ROCK2: variants seen among roughly 807,000 people sequenced by gnomAD.
ROCK2 encodes the protein rho-associated protein kinase 2.
A neutral mutation model predicts 195.1 loss-of-function variants in ROCK2; 61 were observed. The ratio of observed to expected loss-of-function variants is 0.31; its 90% CI spans 0.25 to 0.39. ROCK2 has a LOEUF of 0.39. ROCK2 is among the 10% of genes least tolerant of loss of function. The pLI, the probability that ROCK2 is intolerant of heterozygous loss-of-function variation, is 1.00. For missense variants in ROCK2, 1,109 were observed against 1,637.4 expected (o/e 0.68, Z 5.57); for synonymous variants, 504 against 545.5 (o/e 0.92, Z 1.06).
chr2:11,301,069 C>T (rs2148216259), intron 1 of ROCK2, among the ~76,000 whole-genome samples: 1 of 152,000 alleles, frequency 6.6e-6, no homozygotes, highest in Admixed American at 6.5e-5. Flanking sequence ...CAACATTAAA[C>T]AAAAATTGTA....
At chr2:11,241,771 T>TCATA (rs1163429072) in intron 4 of ROCK2, among the ~76,000 whole-genome samples, 3 of 152,214 alleles carry the variant, frequency 2.0e-5, no homozygotes, top group Non-Finnish European at 4.4e-5. Flanking sequence ...TCTGGGCTGA[T>TCATA]CATAGGTGCT....
chr2:11,278,694 C>T (rs1288121668), intron 3 of ROCK2, among the ~76,000 whole-genome samples: 2 of 152,148 alleles, frequency 1.3e-5, no homozygotes, highest in South Asian at 4.1e-4. Context: ...CTCACTGCAA[C>T]CTCTGCCTCC....
At chr2:11,333,854 G>GAAAA (rs1461932163) in intron 1 of ROCK2, among the ~76,000 whole-genome samples, 1 of 152,028 alleles carries the variant, frequency 6.6e-6, no homozygotes, top group Non-Finnish European at 1.5e-5. Context: ...TGTTTAACCA[G>GAAAA]AAAAAAGTTA....
At chr2:11,338,463 AAAAC>A (rs1209551210) in intron 1 of ROCK2, among the ~76,000 whole-genome samples, 1 of 152,252 alleles carries the variant, frequency 6.6e-6, no homozygotes, top group African/African-American at 2.4e-5. Context: ...AATACAAACT[AAAAC>A]AATACAGTAT....
chr2:11,316,728 T>G (rs1668204301), intron 1 of ROCK2, among the ~76,000 whole-genome samples: 1 of 152,138 alleles, frequency 6.6e-6, no homozygotes, highest in Admixed American at 6.5e-5. Context: ...GACCATGTAT[T>G]TTAAGTAATT....
In ROCK2 at chr2:11,296,000, A is replaced by AGGG. The variant is rs1558369760; in HGVS notation, c.142-8265_142-8264insCCC. On this transcript the variant is annotated intron_variant, in intron 1 of 32. Transcript: ENST00000315872. ...AGAGAGAGAGAGAGAGGAGAGAGAG[A>AGGG]GAGAGGAGAGAGAGAGAGAGAGAGA... Among the ~76,000 whole-genome samples, 32 of 22,912 alleles carry AGGG rather than the reference A, an allele frequency of 1.4e-3. 1 individual carries two copies. The highest frequency in any genetic ancestry group is 6.5e-3 in the South Asian group (3 of 464). 15.0% of individuals were successfully genotyped at this position (22,912 alleles called of 152,430 possible).
intron 25 of ROCK2, among the ~76,000 whole-genome samples, chr2:11,198,163 G>T (rs1436658541): frequency 6.6e-6 from 1 of 152,226 alleles, no homozygotes; most frequent in Non-Finnish European, 1.5e-5. Context: ...TTGGCAGAGA[G>T]TGAACTAACT....
chr2:11,208,877 G>A, intron 18 of ROCK2, among the ~76,000 whole-genome samples: 1 of 152,124 alleles, frequency 6.6e-6, no homozygotes, highest in East Asian at 1.9e-4. Flanking sequence ...ACAGGCATGA[G>A]CCACTGCACC....
In ROCK2 at chr2:11,181,184, ATAT is replaced by A. The variant is rs1662973353; in HGVS notation, c.*2250_*2252del. 5 of 33,148 alleles carry A rather than the reference ATAT, an allele frequency of 1.5e-4. No individual in the cohort carries two copies. Among genetic ancestry groups the A allele is most frequent in the African/African-American group, 8.6e-4 (4 of 4,630 alleles). 2.1% of individuals were successfully genotyped at this position (33,148 alleles called of 1,614,324 possible). A position where few individuals can be genotyped will look rare whatever the true frequency, so the allele number is the denominator to read the frequency against. On this transcript the variant is annotated 3_prime_UTR_variant, in exon 33 of 33. Coordinates refer to ENST00000315872, the MANE Select transcript of ROCK2 (RefSeq NM_004850.5). Reference sequence around the variant, plus strand: ...CACCTTAATAAAGTTTATTAAAAATATATATATATATATATATATATATATACT... The same window carrying A: ...CACCTTAATAAAGTTTATTAAAAATAATATATATATATATATATATATACT...
chr2:11,330,837 A>AGGAGGAGGGAGGAAG (rs1668712206), intron 1 of ROCK2, among the ~76,000 whole-genome samples: 1 of 2,980 alleles, frequency 3.4e-4, no homozygotes, highest in African/African-American at 6.4e-4. Context: ...GGGGAGGAAG[A>AGGAGGAGGGAGGAAG]GGGAGGAGGA....
At chr2:11,198,054 T>C (rs1035806717) in intron 25 of ROCK2, among the ~76,000 whole-genome samples, 1 of 152,204 alleles carries the variant, frequency 6.6e-6, no homozygotes, top group Non-Finnish European at 1.5e-5. Context: ...GAAGAACATT[T>C]TGCAGTGACA....
At chr2:11,285,254 C>A (rs1252448724) in intron 3 of ROCK2, among the ~76,000 whole-genome samples, 49 of 124,884 alleles carry the variant, frequency 3.9e-4, no homozygotes, top group African/African-American at 1.5e-3. Flanking sequence ...AAGAGTGAAA[C>A]TCTGTCTAAA....
chr2:11,184,241 T>A (rs1244095134), intron 32 of ROCK2, among the ~76,000 whole-genome samples: 1 of 152,230 alleles, frequency 6.6e-6, no homozygotes, highest in African/African-American at 2.4e-5. Context: ...AAAGTTTTTA[T>A]GCTTTCAATT....
chr2:11,204,326 C>A (rs1663971463), intron 20 of ROCK2, among the ~76,000 whole-genome samples: 1 of 152,096 alleles, frequency 6.6e-6, no homozygotes, highest in South Asian at 2.1e-4. Flanking sequence ...CCTCTTATAG[C>A]AACCACAAAC....
intron 11 of ROCK2, 124 bp from the exon 12 acceptor site, chr2:11,217,293 A>G (rs566591997): frequency 6.8e-6 from 5 of 740,466 alleles, no homozygotes; most frequent in Non-Finnish European, 1.3e-5. Flanking sequence ...ATAATGGTAC[A>G]GTATTTGTAC....
At chr2:11,260,742 T>C (rs1023427940) in intron 3 of ROCK2, among the ~76,000 whole-genome samples, 2 of 152,190 alleles carry the variant, frequency 1.3e-5, no homozygotes, top group South Asian at 2.1e-4. Context: ...ATATTTAAAC[T>C]AGCATTTACA....
chr2:11,215,128 C>CATGTATG, intron 15 of ROCK2, 42 bp from the exon 16 acceptor site: 1 of 1,603,940 alleles, frequency 6.2e-7, no homozygotes, highest in African/African-American at 1.3e-5. Context: ...AACAAACACA[C>CATGTATG]ATGTATGTAA....
Position 11,197,839 on chromosome 2 carries a change from A to T in ROCK2, c.3100-134T>A, listed in dbSNP as rs1663697015. 1 of 460,472 alleles carries T rather than the reference A, an allele frequency of 2.2e-6. No homozygotes were observed. The highest frequency in any genetic ancestry group is 3.5e-6 in the Non-Finnish European group (1 of 282,774). 28.5% of individuals were successfully genotyped at this position (460,472 alleles called of 1,614,324 possible). On this transcript the variant is annotated intron_variant, in intron 25 of 32. Coordinates refer to ENST00000315872, the MANE Select transcript of ROCK2 (RefSeq NM_004850.5). The surrounding 1 kb of genome is among the most constrained non-coding windows in gnomAD (Gnocchi z 4.9). ...TCCCTACATACAGGGCTACAAAGAA[A>T]CACTTTCTATAATATTTAAATAATA...
Position 11,322,363 on chromosome 2 carries a change from T to A in ROCK2, c.141+21633A>T, listed in dbSNP as rs60080028. Among the ~76,000 whole-genome samples the A allele has an allele frequency of 6.6e-3, 995 of 151,440 alleles. 18 individuals are homozygous for A. The highest frequency in any genetic ancestry group is 0.023 in the African/African-American group (955 of 41,348). On this transcript the variant is annotated intron_variant, in intron 1 of 32. Coordinates refer to ENST00000315872, the MANE Select transcript of ROCK2 (RefSeq NM_004850.5). ...AGTTAAGAAATCAAGGTATCACTAG[T>A]GTGTGTATATGTATTTTATACATAT... is the stretch of plus-strand genomic sequence containing the variant.
Sources: gnomAD v4.1 joint callset for allele counts (sites outside exome capture counted in the v4.1 genomes callset) on GRCh38, gnomAD v4.1.1 for gene constraint, Gnocchi (gnomAD v3.1) non-coding constraint, MANE v1.5 for transcripts, NCBI Gene and HGNC (gene_info 2026-07-23, HGNC 2026-07-21) for gene names.